Variants in NRXN2 observed in about 807,000 individuals in gnomAD.
NRXN2 encodes neurexin 2.
In NRXN2, 29 loss-of-function variants were observed where a neutral mutation model predicts 128.8. That is an observed-to-expected ratio of 0.23 (90% CI 0.17 to 0.31). The LOEUF (loss-of-function observed/expected upper bound fraction) is 0.31. Ranked by LOEUF, NRXN2 falls within the 10% of genes least tolerant of loss-of-function variation. The probability of loss-of-function intolerance (pLI) is 1.00; values close to 1 mark genes in which losing one functional copy is unlikely to be tolerated. For missense variants in NRXN2, 1,881 were observed against 2,452.6 expected (o/e 0.77, Z 4.92); for synonymous variants, 1,098 against 1,075.2 (o/e 1.02, Z -0.41).
At position 64,630,571 on chromosome 11, in the gene NRXN2, G is replaced by A; in HGVS notation, c.3588C>T (p.Asp1196=). Residue 1196 remains aspartate, a splice_region_variant and synonymous_variant, in exon 19 of 23, where the codon GAC becomes GAT. Transcript: ENST00000265459. The surrounding 1 kb of genome is among the most constrained non-coding windows in gnomAD (Gnocchi z 4.6). ...TAAAGATCACCCCCACGGTGCCCTG[G>A]TCCTGGGGACATGGAGGTGGAGGTC... is the stretch of plus-strand genomic sequence containing the variant. ...GLGDYLQLHI[D]QGTVGVIFNV... is the part of the protein sequence containing the mutation. 6.2e-7 allele frequency: 1 copy of A among 1,613,874 alleles called. No individual in the cohort carries two copies. Among genetic ancestry groups the A allele is most frequent in the Non-Finnish European group, 8.5e-7 (1 of 1,180,012 alleles).
At chr11:64,652,238 C>A in intron 12 of NRXN2, 84 bp from the exon 13 acceptor site, 1 of 1,515,364 alleles carries the variant, frequency 6.6e-7, no homozygotes, top group East Asian at 2.4e-5. Context: ...CACAGACAGC[C>A]TCCCCATCCC....
chr11:64,697,673 C>T, intron 3 of NRXN2, 102 bp downstream of exon 3: 1 of 1,402,058 alleles, frequency 7.1e-7, no homozygotes, highest in Non-Finnish European at 1.0e-6. Flanking sequence ...AGGCCCTAAA[C>T]ATGGCAGGAA....
intron 3 of NRXN2, among the ~76,000 whole-genome samples, chr11:64,696,925 A>G (rs911775406): frequency 1.3e-5 from 2 of 152,226 alleles, no homozygotes; most frequent in Non-Finnish European, 2.9e-5. Context: ...AGAAACAGGG[A>G]AAGCCAAATT....
chr11:64,671,432 A>G (rs928201638), intron 7 of NRXN2, among the ~76,000 whole-genome samples: 2 of 152,254 alleles, frequency 1.3e-5, no homozygotes, highest in Admixed American at 1.3e-4. Flanking sequence ...AAAGCAGGAA[A>G]CAGGGGAATA....
At chr11:64,609,554 A>G (rs2135261988) in intron 22 of NRXN2, among the ~76,000 whole-genome samples, 1 of 152,084 alleles carries the variant, frequency 6.6e-6, no homozygotes, top group South Asian at 2.1e-4. Context: ...GAGAACTATA[A>G]CTCCCATCAG....
intron 12 of NRXN2, 24 bp from the exon 13 acceptor site, chr11:64,652,178 G>C (rs779283691): frequency 1.2e-6 from 2 of 1,605,640 alleles, no homozygotes; most frequent in East Asian, 2.2e-5. Context: ...GGGGGAATGA[G>C]GAGGGCACCT....
At chr11:64,679,258 T>G (rs535877660) in intron 6 of NRXN2, among the ~76,000 whole-genome samples, 1 of 152,218 alleles carries the variant, frequency 6.6e-6, no homozygotes, top group Non-Finnish European at 1.5e-5. Context: ...GAGTTAGAAC[T>G]GGTTATGGAG....
intron 7 of NRXN2, among the ~76,000 whole-genome samples, chr11:64,673,369 AAAC>A (rs2050875664): frequency 1.3e-5 from 2 of 152,206 alleles, no homozygotes; most frequent in African/African-American, 4.8e-5. Context: ...AGAAGTGCTC[AAAC>A]AACATGAAAA....
chr11:64,639,556 G>A (rs1460328733), intron 17 of NRXN2, among the ~76,000 whole-genome samples: 1 of 152,134 alleles, frequency 6.6e-6, no homozygotes, highest in African/African-American at 2.4e-5. Context: ...CCAGGACCAG[G>A]AGAGTGTCAC....
chr11:64,662,520 G>A (rs1478288653), intron 9 of NRXN2, among the ~76,000 whole-genome samples: 2 of 152,090 alleles, frequency 1.3e-5, no homozygotes, highest in East Asian at 1.9e-4. Flanking sequence ...AGTGGCCCAC[G>A]CCTGTAATCC....
At chr11:64,697,252 A>G (rs1246162411) in intron 3 of NRXN2, among the ~76,000 whole-genome samples, 1 of 152,028 alleles carries the variant, frequency 6.6e-6, no homozygotes, top group African/African-American at 2.4e-5. Flanking sequence ...TGCTCCCACT[A>G]TACACCTCCA....
At chr11:64,687,186 T>C (rs1383215917) in intron 5 of NRXN2, among the ~76,000 whole-genome samples, 1 of 152,058 alleles carries the variant, frequency 6.6e-6, no homozygotes, top group Non-Finnish European at 1.5e-5. Flanking sequence ...CAATAGATGC[T>C]CCCAATGCCC....
chr11:64,608,887 T>G (rs2040166981), intron 22 of NRXN2, among the ~76,000 whole-genome samples: 1 of 151,960 alleles, frequency 6.6e-6, no homozygotes, highest in Admixed American at 6.6e-5. Context: ...CAGGAGGGCT[T>G]AGAGAGTAGG....
chr11:64,706,480 T>C (rs2056343270), intron 2 of NRXN2, among the ~76,000 whole-genome samples: 1 of 151,928 alleles, frequency 6.6e-6, no homozygotes, highest in Admixed American at 6.6e-5. Context: ...GCTTCATCCA[T>C]GTCCCTACAA....
intron 22 of NRXN2, among the ~76,000 whole-genome samples, chr11:64,612,423 A>C (rs1260622877): frequency 6.6e-6 from 1 of 152,156 alleles, no homozygotes; most frequent in East Asian, 1.9e-4. Context: ...CATTTGGAAA[A>C]TACTCACAGG....
intron 4 of NRXN2, among the ~76,000 whole-genome samples, chr11:64,691,188 C>G (rs1470524563): frequency 1.3e-5 from 2 of 152,204 alleles, no homozygotes; most frequent in African/African-American, 2.4e-5. Flanking sequence ...TTCATCCCAC[C>G]ATTGTGCCTA....
At chr11:64,657,524 T>G (rs1296059194) in intron 11 of NRXN2, among the ~76,000 whole-genome samples, 1 of 152,124 alleles carries the variant, frequency 6.6e-6, no homozygotes, top group Non-Finnish European at 1.5e-5. Context: ...ATGGTTTCAT[T>G]CCCATTCTTC....
At chr11:64,697,244 C>T (rs2054673747) in intron 3 of NRXN2, among the ~76,000 whole-genome samples, 2 of 152,244 alleles carry the variant, frequency 1.3e-5, no homozygotes, top group Non-Finnish European at 2.9e-5. Flanking sequence ...AGAGAAGCTG[C>T]TCCCACTATA....
intron 22 of NRXN2, among the ~76,000 whole-genome samples, chr11:64,619,013 A>G (rs1301529751): frequency 6.6e-6 from 1 of 151,264 alleles, no homozygotes; most frequent in Non-Finnish European, 1.5e-5. Flanking sequence ...CTCTATCCAC[A>G]CCCCTTCCAA....
Sources: gnomAD v4.1 joint callset for allele counts (sites outside exome capture counted in the v4.1 genomes callset) on GRCh38, gnomAD v4.1.1 for gene constraint, Gnocchi (gnomAD v3.1) non-coding constraint, MANE v1.5 for transcripts, NCBI Gene and HGNC (gene_info 2026-07-23, HGNC 2026-07-21) for gene names.